TRABD2A: variants seen among roughly 807,000 people sequenced by gnomAD.
TRABD2A encodes TraB domain containing 2A, also known as metalloprotease TIKI1.
Under a neutral mutation model 45.6 loss-of-function variants are expected in TRABD2A, and 43 were observed. The observed-to-expected ratio is 0.94, with a 90% CI of 0.74 to 1.22. The LOEUF (loss-of-function observed/expected upper bound fraction) is 1.22, where lower values mean the gene tolerates loss of function less well. Among genes scored for constraint, TRABD2A ranks in the 50% most tolerant of loss-of-function variants. The pLI, the probability that TRABD2A is intolerant of heterozygous loss-of-function variation, is 0.00. For synonymous variants in TRABD2A, 269 were observed against 265.0 expected (o/e 1.02, Z -0.15); for missense variants, 642 against 652.4 (o/e 0.98, Z 0.17).
intron 1 of TRABD2A, chr2:84,879,464 A>C (rs1345051371): frequency 2.7e-6 from 1 of 376,472 alleles, no homozygotes; most frequent in Non-Finnish European, 3.7e-6. Context: ...TACAGGAGTG[A>C]GCTACCATGC....
rs1247722595 is a variant in TRABD2A, at chr2:84,848,355, TAGATAGATAGATAGATAGATAGAC to T, written c.670-6372_670-6349del. ...ATAGATAGATAGATAGATAGATAGA[TAGATAGATAGATAGATAGATAGAC>T]AGACAGACAGACAGACAGACAGACA... On this transcript the variant is annotated intron_variant, in intron 2 of 6. Transcript: ENST00000409520. Among the ~76,000 whole-genome samples, 4 of 133,816 alleles carry T rather than the reference TAGATAGATAGATAGATAGATAGAC, an allele frequency of 3.0e-5. 1 individual carries two copies. The highest frequency in any genetic ancestry group is 2.2e-4 in the East Asian group (1 of 4,566). 87.8% of individuals were successfully genotyped at this position (133,816 alleles called of 152,430 possible).
chr2:84,846,755 C>T (rs916683825), intron 2 of TRABD2A, among the ~76,000 whole-genome samples: 1 of 152,230 alleles, frequency 6.6e-6, no homozygotes, highest in African/African-American at 2.4e-5. Flanking sequence ...GCAAAGCCCT[C>T]ACTGAAACAG....
chr2:84,877,433 G>A (rs1359688352), intron 1 of TRABD2A, among the ~76,000 whole-genome samples: 2 of 152,102 alleles, frequency 1.3e-5, no homozygotes, highest in Non-Finnish European at 2.9e-5. Context: ...CTAACTTGTT[G>A]CAACTGTTCC....
intron 4 of TRABD2A, chr2:84,835,392 T>A (rs1343275776): frequency 6.6e-6 from 1 of 151,878 alleles, no homozygotes; most frequent in African/African-American, 2.4e-5. Context: ...AATCTAGGCA[T>A]AGGCATTCAG....
chr2:84,862,220 A>G (rs1211700402), intron 2 of TRABD2A, among the ~76,000 whole-genome samples: 1 of 152,150 alleles, frequency 6.6e-6, no homozygotes, highest in Non-Finnish European at 1.5e-5. Flanking sequence ...CTCTCCCCCA[A>G]GTGGGGTAGA....
At chr2:84,865,821 G>A (rs893718270) in intron 2 of TRABD2A, among the ~76,000 whole-genome samples, 1 of 152,200 alleles carries the variant, frequency 6.6e-6, no homozygotes, top group African/African-American at 2.4e-5. Context: ...TTCTCTAGGG[G>A]AACCTACCTG....
chr2:84,832,268 G>A (rs1337542414), intron 4 of TRABD2A, 123 bp from the exon 5 acceptor site: 7 of 972,256 alleles, frequency 7.2e-6, no homozygotes, highest in African/African-American at 1.6e-5. Context: ...GTCCAGCACA[G>A]TACAGTTCTA....
intron 6 of TRABD2A, among the ~76,000 whole-genome samples, chr2:84,823,675 C>T (rs1334478217): frequency 6.6e-6 from 1 of 152,210 alleles, no homozygotes; most frequent in African/African-American, 2.4e-5. Flanking sequence ...TCTTTGCAAC[C>T]TTTCCAGATG....
intron 2 of TRABD2A, among the ~76,000 whole-genome samples, chr2:84,845,647 C>T (rs1559089735): frequency 6.6e-6 from 1 of 152,094 alleles, no homozygotes. Flanking sequence ...GGTTGATAGA[C>T]TGAACATCAA....
chr2:84,848,541 T>G lies in TRABD2A; in HGVS notation c.670-6534A>C, dbSNP rs367711071. On this transcript the variant is annotated intron_variant, in intron 2 of 6. Transcript: ENST00000409520. Reference sequence around the variant, plus strand: ...TTATATATATAATTTATATTATATATTATATATTTTATATATATTACATAT... The same window carrying G: ...TTATATATATAATTTATATTATATAGTATATATTTTATATATATTACATAT... Among the ~76,000 whole-genome samples, 9 of 147,836 alleles carry G rather than the reference T, an allele frequency of 6.1e-5. No homozygotes were observed. In the East Asian group the frequency reaches 1.6e-3, roughly 26 times the overall value.
chr2:84,831,312 A>G (rs1284092809), intron 5 of TRABD2A, among the ~76,000 whole-genome samples: 1 of 152,126 alleles, frequency 6.6e-6, no homozygotes. Flanking sequence ...CAGCCTCCAG[A>G]ACTGTGAGAA....
chr2:84,863,681 G>A (rs1314928580), intron 2 of TRABD2A, among the ~76,000 whole-genome samples: 2 of 135,774 alleles, frequency 1.5e-5, no homozygotes, highest in African/African-American at 2.8e-5. Context: ...GCGCAATCTC[G>A]GCTCACTGCA....
chr2:84,871,288 C>T (rs1301130184), intron 1 of TRABD2A, among the ~76,000 whole-genome samples: 5 of 152,166 alleles, frequency 3.3e-5, no homozygotes, highest in African/African-American at 1.2e-4. Flanking sequence ...TAAGAGACAC[C>T]TGAGAAGCCC....
Position 84,832,127 on chromosome 2 carries a change from T to C in TRABD2A, c.1010A>G (p.Asn337Ser), listed in dbSNP as rs1219682029. Reference protein sequence around the residue: ...AFGAGHFMGNNTVLDVLRREG... With the variant: ...AFGAGHFMGNSTVLDVLRREG... ...ACGCCGCAAAACATCCAGCACTGTG[T>C]TGTTGCCCATGAAATGACCTGCAGT... Residue 337 changes from asparagine to serine, a missense_variant, in exon 5 of 7, where the codon AAC becomes AGC. By Grantham distance (46) the Asn-to-Ser change is conservative (BLOSUM62 1). Transcript: ENST00000409520. 6.2e-7 allele frequency: 1 copy of C among 1,613,900 alleles called. No homozygotes were observed. Among genetic ancestry groups the C allele is most frequent in the Admixed American group, 1.7e-5 (1 of 60,006 alleles).
chr2:84,838,145 AC>A (rs1681583664), intron 4 of TRABD2A: 1 of 697,796 alleles, frequency 1.4e-6, no homozygotes, highest in African/African-American at 1.8e-5. Context: ...CTTTGGAGGA[AC>A]TTTGAACCCA....
intron 2 of TRABD2A, among the ~76,000 whole-genome samples, chr2:84,853,242 G>C (rs565385940): frequency 6.6e-6 from 1 of 151,554 alleles, no homozygotes; most frequent in South Asian, 2.1e-4. Context: ...GTGTTAGTCC[G>C]TTCTCACGCT....
Position 84,881,028 on chromosome 2 carries a change from C to A in TRABD2A, c.12G>T (p.Trp4Cys). Reference protein sequence around the residue: MSPWSWFLLQTLCL... With the variant: MSPCSWFLLQTLCL... ...AGAGGGTCTGCAGCAGGAACCAGCT[C>A]CAGGGACTCATCCTCCTCAAGGCGG... Residue 4 changes from tryptophan to cysteine, a missense_variant, in exon 1 of 7, where the codon TGG becomes TGT. By Grantham distance (215) the Trp-to-Cys change is radical. Transcript: ENST00000409520. 6.2e-7 allele frequency: 1 copy of A among 1,604,104 alleles called. No individual in the cohort carries two copies. Among genetic ancestry groups the A allele is most frequent in the Admixed American group, 1.7e-5 (1 of 59,122 alleles).
intron 2 of TRABD2A, chr2:84,843,995 C>A (rs1042338127): frequency 6.6e-6 from 1 of 152,380 alleles, no homozygotes; most frequent in Non-Finnish European, 1.5e-5. Flanking sequence ...AATACCTCCT[C>A]CTTTTCTCTG....
intron 2 of TRABD2A, among the ~76,000 whole-genome samples, chr2:84,861,960 G>A (rs1209069579): frequency 7.2e-5 from 11 of 152,214 alleles, no homozygotes; most frequent in Admixed American, 4.6e-4. Context: ...GAAGAGCCTC[G>A]TGGAAGAGTT....
Sources: allele counts gnomAD v4.1 joint callset (sites outside exome capture counted in the v4.1 genomes callset), GRCh38; gene constraint gnomAD v4.1.1; transcripts MANE v1.5; gene names NCBI Gene and HGNC (gene_info 2026-07-23, HGNC 2026-07-21).